The following CLIC5 variants were observed in gnomAD, a reference collection of about 807,000 sequenced individuals.
The protein encoded by CLIC5 is chloride intracellular channel protein 5.
A neutral mutation model predicts 24.7 loss-of-function variants in CLIC5; 20 were observed. The observed-to-expected ratio is 0.81, with a 90% CI of 0.57 to 1.18. CLIC5 has a LOEUF of 1.18. Ranked by LOEUF, CLIC5 falls within the 50% of genes most tolerant of loss-of-function variation. The pLI is 0.00. For synonymous variants in CLIC5, 159 were observed against 135.6 expected (o/e 1.17, Z -1.20); for missense variants, 341 against 326.1 (o/e 1.05, Z -0.35).
At chr6:45,985,579 T>C (rs895443646) in intron 1 of CLIC5, among the ~76,000 whole-genome samples, 2 of 151,994 alleles carry the variant, frequency 1.3e-5, no homozygotes, top group African/African-American at 2.4e-5. Context: ...CCACTCTGCT[T>C]GGGGCCTGGA....
At chr6:45,907,202 T>G (rs1762684760) in intron 5 of CLIC5, among the ~76,000 whole-genome samples, 2 of 152,218 alleles carry the variant, frequency 1.3e-5, no homozygotes, top group African/African-American at 4.8e-5. Context: ...GGGTGTTCCT[T>G]TAATGCCTAA....
rs1377700651 is a variant in CLIC5, at chr6:45,901,256, T to A, written c.*1832A>T. ...TCCAGGGGGACCTGGAAAGGTTCCT[T>A]TTGAGGTGGAAATGAATCAACTCAT... On this transcript the variant is annotated 3_prime_UTR_variant, in exon 6 of 6. Coordinates refer to ENST00000339561, the MANE Select transcript of CLIC5 (RefSeq NM_016929.5). 2 of 152,096 alleles carry A rather than the reference T, an allele frequency of 1.3e-5. No homozygotes were observed. Among genetic ancestry groups the A allele is most frequent in the Non-Finnish European group, 2.9e-5 (2 of 68,006 alleles). 9.4% of individuals were successfully genotyped at this position (152,096 alleles called of 1,614,324 possible).
chr6:46,040,684 T>A (rs1767783280), intron 1 of CLIC5, among the ~76,000 whole-genome samples: 1 of 152,186 alleles, frequency 6.6e-6, no homozygotes, highest in East Asian at 1.9e-4. Flanking sequence ...GTGTTGGTGT[T>A]TCTTGTGTTG....
In CLIC5 at chr6:45,942,289, G is replaced by T. The variant is rs537582246; in HGVS notation, c.300-636C>A. ...TTTTATTTTATTTGGAGATACATTT[G>T]CAATGATCCAGCCCCCCTCTCTCTC... is the stretch of plus-strand genomic sequence containing the variant. On this transcript the variant is annotated intron_variant, in intron 3 of 5. Transcript: ENST00000339561. 3.1e-4 allele frequency among the ~76,000 whole-genome samples: 47 copies of T among 152,196 alleles called. 1 individual carries two copies. The highest frequency in any genetic ancestry group is 1.1e-3 in the African/African-American group (46 of 41,536).
intron 1 of CLIC5, among the ~76,000 whole-genome samples, chr6:45,996,538 G>A (rs1418679705): frequency 1.3e-5 from 2 of 151,978 alleles, no homozygotes; most frequent in Non-Finnish European, 2.9e-5. Flanking sequence ...GTGTAGGGAA[G>A]GGATCCAGTT....
intron 5 of CLIC5, chr6:45,912,871 G>C (rs1163617417): frequency 1.5e-6 from 1 of 666,068 alleles, no homozygotes; most frequent in Non-Finnish European, 2.7e-6. Flanking sequence ...TTTCTAAATA[G>C]GTTGTATTTG....
the CLIC5 span, among the ~76,000 whole-genome samples, chr6:46,096,265 G>C: frequency 6.6e-6 from 1 of 152,116 alleles, no homozygotes; most frequent in Non-Finnish European, 1.5e-5. Context: ...CCCAACACTG[G>C]GGATTACAAT....
chr6:46,087,186 A>G, the CLIC5 span, among the ~76,000 whole-genome samples: 1 of 152,154 alleles, frequency 6.6e-6, no homozygotes, highest in African/African-American at 2.4e-5. Context: ...TTTAGATTAT[A>G]CAATCTGGAA....
intron 1 of CLIC5, among the ~76,000 whole-genome samples, chr6:45,992,643 C>CAG (rs1163806357): frequency 1.1e-4 from 17 of 152,160 alleles, no homozygotes; most frequent in South Asian, 2.1e-4. Flanking sequence ...TGTATTTACA[C>CAG]TCCAGTATAT....
intron 1 of CLIC5, among the ~76,000 whole-genome samples, chr6:46,029,761 T>C (rs1426388724): frequency 6.6e-6 from 1 of 152,146 alleles, no homozygotes; most frequent in Non-Finnish European, 1.5e-5. Context: ...ACAAGCAAAC[T>C]ACTGTTGGGC....
At chr6:45,891,813 ACTTTT>A (rs1204969845) in intron 6 of CLIC5, among the ~76,000 whole-genome samples, 1 of 152,150 alleles carries the variant, frequency 6.6e-6, no homozygotes, top group Admixed American at 6.5e-5. Context: ...GAATTGCATG[ACTTTT>A]CTTTTACTGT....
chr6:45,934,373 C>T (rs923179108), intron 4 of CLIC5: 2 of 151,762 alleles, frequency 1.3e-5, no homozygotes, highest in African/African-American at 4.8e-5. Flanking sequence ...GAAAGAAGGC[C>T]CCCCAAGACA....
intron 1 of CLIC5, among the ~76,000 whole-genome samples, chr6:46,006,181 A>T (rs1561999223): frequency 7.6e-6 from 1 of 130,946 alleles, no homozygotes; most frequent in East Asian, 2.5e-4. Flanking sequence ...ATCTTGCCCT[A>T]TCGCCCAGCC....
chr6:46,091,946 A>G, the CLIC5 span, among the ~76,000 whole-genome samples: 2 of 152,156 alleles, frequency 1.3e-5, no homozygotes, highest in African/African-American at 2.4e-5. Context: ...TGTTCTCAAT[A>G]TGGCTGTACT....
chr6:45,881,699 A>T (rs192071245), intron 6 of CLIC5, among the ~76,000 whole-genome samples: 1 of 152,122 alleles, frequency 6.6e-6, no homozygotes, highest in African/African-American at 2.4e-5. Context: ...TTTCAGATTC[A>T]TTTGCACTTA....
intron 4 of CLIC5, among the ~76,000 whole-genome samples, chr6:45,919,492 C>G (rs983810712): frequency 3.3e-5 from 5 of 152,104 alleles, no homozygotes; most frequent in South Asian, 2.1e-4. Flanking sequence ...GACCCTCCCC[C>G]CCACCACCTC....
intron 5 of CLIC5, chr6:45,912,133 C>A (rs1454803435): frequency 2.8e-5 from 28 of 986,656 alleles, no homozygotes; most frequent in Middle Eastern, 5.2e-4. Context: ...GCTCCCACAG[C>A]CCAGATTAAG....
At position 45,912,322 on chromosome 6, in the gene CLIC5, T is replaced by C. The variant is rs1762851875; in HGVS notation, c.588+1906A>G. ...GGCCATCTTCTTTTTGATCTCCAGCTTCTCTGGGTTAACCACCCACTGAAT... is the reference window on the plus strand; with the variant it reads ...GGCCATCTTCTTTTTGATCTCCAGCCTCTCTGGGTTAACCACCCACTGAAT... On this transcript the variant is annotated intron_variant, in intron 5 of 5. Transcript: ENST00000339561. 5.0e-6 allele frequency: 5 copies of C among 1,007,646 alleles called. No individual in the cohort carries two copies. In the African/African-American group the frequency reaches 6.9e-5, roughly 14 times the overall value. 62.4% of individuals were successfully genotyped at this position (1,007,646 alleles called of 1,614,324 possible). A position where few individuals can be genotyped will look rare whatever the true frequency, so the allele number is the denominator to read the frequency against.
intron 1 of CLIC5, among the ~76,000 whole-genome samples, chr6:46,079,515 C>T (rs1762865851): frequency 6.6e-6 from 1 of 152,224 alleles, no homozygotes; most frequent in Admixed American, 6.5e-5. Flanking sequence ...ATGCACCTTC[C>T]AATTCCTCTA....
Sources: gnomAD v4.1 joint callset for allele counts (sites outside exome capture counted in the v4.1 genomes callset) on GRCh38, gnomAD v4.1.1 for gene constraint, MANE v1.5 for transcripts, NCBI Gene and HGNC (gene_info 2026-07-23, HGNC 2026-07-21) for gene names.